PRKG1: variants seen among roughly 807,000 people sequenced by gnomAD.
PRKG1 encodes the protein cGMP-dependent protein kinase 1.
A neutral mutation model predicts 88.1 loss-of-function variants in PRKG1; 35 were observed. The observed-to-expected ratio is 0.40, with a 90% confidence interval of 0.30 to 0.53. PRKG1 has a LOEUF of 0.53. Ranked by LOEUF, PRKG1 falls within the 20% of genes least tolerant of loss-of-function variation. The pLI, the probability that PRKG1 is intolerant of heterozygous loss-of-function variation, is 0.59. For synonymous variants in PRKG1, 303 were observed against 292.5 expected, an observed-to-expected ratio of 1.04 and a Z score of -0.37; for missense variants, 540 against 839.8, an observed-to-expected ratio of 0.64 and a Z score of 4.41.
intron 3 of PRKG1, among the ~76,000 whole-genome samples, chr10:51,483,377 C>T (rs1840429826): frequency 6.6e-6 from 1 of 152,092 alleles, no homozygotes; most frequent in Non-Finnish European, 1.5e-5. Context: ...CATTTAATGC[C>T]TTCCGTGTAA....
At chr10:52,102,519 T>G (rs1268126987) in intron 7 of PRKG1, among the ~76,000 whole-genome samples, 1 of 150,262 alleles carries the variant, frequency 6.7e-6, no homozygotes, top group Non-Finnish European at 1.5e-5. Flanking sequence ...ACGGTCTAGA[T>G]GTTGTGCATG....
intron 3 of PRKG1, among the ~76,000 whole-genome samples, chr10:51,700,371 T>A (rs2132412637): frequency 6.6e-6 from 1 of 152,332 alleles, no homozygotes. Flanking sequence ...ATTAAATAAA[T>A]TAGTGATTAA....
At position 50,991,366 on chromosome 10, in the gene PRKG1, G is replaced by A. The variant is rs1472028320; in HGVS notation, c.-13G>A. ...GCCCGAGAAAAAGTTTCGCGGAGGG[G>A]CTCAGTGAAAAAATGAGCGAGCTAG... On this transcript the variant is annotated 5_prime_UTR_variant, in exon 1 of 18. Transcript: ENST00000401604. This position sits in a 1 kb window ranked among gnomAD's most constrained non-coding sequence, Gnocchi z 4.5. The A allele has an allele frequency of 6.6e-7, 1 of 1,518,030 alleles. No individual in the cohort carries two copies. The highest frequency in any genetic ancestry group is 8.8e-7 in the Non-Finnish European group (1 of 1,132,456). The allele number at this position is 1,518,030 out of a possible 1,614,324, so 94.0% of individuals were successfully genotyped here. A position where few individuals can be genotyped will look rare whatever the true frequency, so the allele number is the denominator to read the frequency against.
At chr10:52,055,702 C>G (rs759697723) in intron 6 of PRKG1, among the ~76,000 whole-genome samples, 12 of 152,008 alleles carry the variant, frequency 7.9e-5, no homozygotes, top group Non-Finnish European at 1.5e-4. Flanking sequence ...TCTGCATGTA[C>G]TAAGTATAGA....
At chr10:51,194,312 A>G (rs1021528075) in intron 2 of PRKG1, among the ~76,000 whole-genome samples, 3 of 151,728 alleles carry the variant, frequency 2.0e-5, no homozygotes, top group Admixed American at 1.3e-4. Flanking sequence ...ATAGGTATAC[A>G]TGTGCCATGG....
At chr10:51,655,789 G>A (rs943194742) in intron 3 of PRKG1, among the ~76,000 whole-genome samples, 11 of 152,116 alleles carry the variant, frequency 7.2e-5, no homozygotes, top group African/African-American at 2.7e-4. Flanking sequence ...GGAGACACCA[G>A]TAACCTAACT....
intron 2 of PRKG1, among the ~76,000 whole-genome samples, chr10:51,327,755 A>G (rs558274523): frequency 6.6e-6 from 1 of 152,356 alleles, no homozygotes; most frequent in South Asian, 2.1e-4. Flanking sequence ...ATCTGAGTAT[A>G]TAAATATGTC....
At chr10:52,164,128 A>G (rs1838361103) in intron 9 of PRKG1, among the ~76,000 whole-genome samples, 1 of 152,142 alleles carries the variant, frequency 6.6e-6, no homozygotes, top group Non-Finnish European at 1.5e-5. Flanking sequence ...AGGGGGGAAG[A>G]TCACCTGAGG....
In PRKG1 at chr10:51,585,409, G is replaced by A. The variant is rs114909718; in HGVS notation, c.592+117573G>A. Reference sequence around the variant, plus strand: ...CCCATATGACGTTACACTTTCTCAAGGAGTAACAACTTGGTGCATTATTTT... The same window carrying A: ...CCCATATGACGTTACACTTTCTCAAAGAGTAACAACTTGGTGCATTATTTT... On this transcript the variant is annotated intron_variant, in intron 3 of 17. Coordinates refer to ENST00000373980, the MANE Select transcript of PRKG1 (RefSeq NM_006258.4). Among the ~76,000 whole-genome samples, 881 of 152,138 alleles carry A rather than the reference G, an allele frequency of 5.8e-3. 8 individuals carry two copies. The highest frequency in any genetic ancestry group is 0.02 in the African/African-American group (844 of 41,528).
chr10:52,038,519 C>T (rs912092083), intron 5 of PRKG1, among the ~76,000 whole-genome samples: 1 of 151,988 alleles, frequency 6.6e-6, no homozygotes, highest in African/African-American at 2.4e-5. Flanking sequence ...GGTACTTGCC[C>T]ATCCTCTAGA....
intron 3 of PRKG1, among the ~76,000 whole-genome samples, chr10:51,703,225 A>C (rs1841517694): frequency 6.6e-6 from 1 of 152,212 alleles, no homozygotes; most frequent in African/African-American, 2.4e-5. Context: ...ACTTTGAAGG[A>C]ATTTTTTAAA....
At chr10:51,735,883 A>ATT (rs371598580) in intron 3 of PRKG1, among the ~76,000 whole-genome samples, 1,123 of 102,786 alleles carry the variant, frequency 0.011, 21 homozygotes, top group African/African-American at 0.032. Context: ...ATATATATGT[A>ATT]TATTTATTTA....
intron 5 of PRKG1, among the ~76,000 whole-genome samples, chr10:51,954,764 A>C (rs1397066398): frequency 2.0e-5 from 3 of 152,162 alleles, no homozygotes; most frequent in Non-Finnish European, 4.4e-5. Flanking sequence ...TAACCATAGT[A>C]TTCACTCTGC....
At chr10:51,585,341 A>G (rs1380378145) in intron 3 of PRKG1, among the ~76,000 whole-genome samples, 2 of 152,202 alleles carry the variant, frequency 1.3e-5, no homozygotes, top group South Asian at 2.1e-4. Context: ...TGGTTGCTAA[A>G]ATATTTTGGT....
At chr10:51,736,768 C>T (rs964015364) in intron 3 of PRKG1, among the ~76,000 whole-genome samples, 3 of 151,776 alleles carry the variant, frequency 2.0e-5, no homozygotes, top group Admixed American at 2.0e-4. Context: ...GCTAGGACTA[C>T]AGGTGCGCCA....
chr10:51,610,366 A>G (rs576562879), intron 3 of PRKG1, among the ~76,000 whole-genome samples: 1 of 152,132 alleles, frequency 6.6e-6, no homozygotes, highest in African/African-American at 2.4e-5. Context: ...TAGTTCCAAC[A>G]TATATGTGAG....
At chr10:51,590,741 T>G (rs1238686075) in intron 3 of PRKG1, among the ~76,000 whole-genome samples, 2 of 152,254 alleles carry the variant, frequency 1.3e-5, no homozygotes, top group Non-Finnish European at 2.9e-5. Flanking sequence ...ATTTTAGGGT[T>G]GATTTTGCAG....
At chr10:51,686,786 AG>A (rs2097767275) in intron 3 of PRKG1, among the ~76,000 whole-genome samples, 1 of 152,164 alleles carries the variant, frequency 6.6e-6, no homozygotes, top group African/African-American at 2.4e-5. Context: ...GGAAGGCTAG[AG>A]TGCAGTGGTG....
chr10:51,190,376 C>A (rs1433681145), intron 2 of PRKG1, among the ~76,000 whole-genome samples: 1 of 151,826 alleles, frequency 6.6e-6, no homozygotes, highest in Non-Finnish European at 1.5e-5. Context: ...TGATAAAAAT[C>A]TAGACAATCA....
Sources: gnomAD v4.1 joint callset for allele counts (sites outside exome capture counted in the v4.1 genomes callset) on GRCh38, gnomAD v4.1.1 for gene constraint, Gnocchi (gnomAD v3.1) non-coding constraint, MANE v1.5 for transcripts, NCBI Gene and HGNC (gene_info 2026-07-23, HGNC 2026-07-21) for gene names.